PTCD3: variants seen among roughly 807,000 people sequenced by gnomAD.
PTCD3 encodes pentatricopeptide repeat domain 3.
In PTCD3, 89 loss-of-function variants were observed where a neutral mutation model predicts 101.9. The ratio of observed to expected loss-of-function variants is 0.87; its 90% CI spans 0.74 to 1.04. The LOEUF is 1.04. Among genes scored for constraint, PTCD3 ranks in the 50% least tolerant of loss-of-function variants. The pLI, the probability that PTCD3 is intolerant of heterozygous loss-of-function variation, is 0.00. For synonymous variants in PTCD3, 296 were observed against 278.5 expected (o/e 1.06, Z -0.63); for missense variants, 870 against 828.2 (o/e 1.05, Z -0.62).
At chr2:86,114,255 G>A (rs1238091174) in intron 4 of PTCD3, among the ~76,000 whole-genome samples, 2 of 152,060 alleles carry the variant, frequency 1.3e-5, no homozygotes, top group Non-Finnish European at 2.9e-5. Context: ...GGGTTGTATC[G>A]CCAAGACTGA....
intron 6 of PTCD3, among the ~76,000 whole-genome samples, chr2:86,118,704 T>C (rs1452156908): frequency 6.6e-6 from 1 of 152,234 alleles, no homozygotes; most frequent in Non-Finnish European, 1.5e-5. Flanking sequence ...TAGTATTAAA[T>C]GTTTAGATGA....
chr2:86,111,016 CTA>C (rs1674070147), intron 3 of PTCD3, 95 bp from the exon 4 acceptor site: 1 of 1,099,904 alleles, frequency 9.1e-7, no homozygotes, highest in Non-Finnish European at 1.4e-6. Flanking sequence ...GAGATCTGCA[CTA>C]TGTTATTGGC....
At chr2:86,123,068 G>C (rs1400438102) in intron 8 of PTCD3, among the ~76,000 whole-genome samples, 1 of 151,878 alleles carries the variant, frequency 6.6e-6, no homozygotes, top group Non-Finnish European at 1.5e-5. Context: ...GACCATCCTG[G>C]CTAACATGGT....
At position 86,132,322 on chromosome 2, in the gene PTCD3, C is replaced by T. The variant is rs778115545; in HGVS notation, c.1271C>T (p.Ser424Leu). ...KFFQSAMSIC[S>L]SLRDLELAYQ... ...TTACTACTTGCATATTTTCAGTGCT[C>T]ATCTCTCAGAGATCTAGAACTTGCC... Residue 424 changes from serine to leucine, a missense_variant, in exon 17 of 24, where the codon TCA becomes TTA. Transcript: ENST00000254630. 3.8e-6 allele frequency: 6 copies of T among 1,584,962 alleles called. No individual in the cohort carries two copies. The South Asian group carries it at 4.5e-5, about 12-fold the overall frequency.
At chr2:86,124,176 G>T (rs1233353364) in intron 9 of PTCD3, among the ~76,000 whole-genome samples, 5 of 152,208 alleles carry the variant, frequency 3.3e-5, no homozygotes, top group Admixed American at 2.0e-4. Context: ...GACATACACA[G>T]CAGTTTGAAT....
chr2:86,122,841 C>T (rs1674315960), intron 8 of PTCD3, among the ~76,000 whole-genome samples: 1 of 152,216 alleles, frequency 6.6e-6, no homozygotes, highest in Admixed American at 6.5e-5. Context: ...GCCTCTCCAG[C>T]CCCAGCTCTT....
At position 86,127,141 on chromosome 2, in the gene PTCD3, CTTGT is replaced by C; in HGVS notation, c.952-17_952-14del. 1 of 1,593,470 alleles carries C rather than the reference CTTGT, an allele frequency of 6.3e-7. No homozygotes were observed. The highest frequency in any genetic ancestry group is 1.1e-5 in the South Asian group (1 of 88,264). On this transcript the variant is annotated splice_polypyrimidine_tract_variant and intron_variant, in intron 12 of 23. Transcript: ENST00000254630. ...GATTACCCAGGCATGAAAGATACTT[CTTGT>C]TTTTTATTCACCTAGGAGCTGCTAA... is the stretch of plus-strand genomic sequence containing the variant.
At chr2:86,111,312 G>C (rs1674080248) in intron 4 of PTCD3, among the ~76,000 whole-genome samples, 154 bp downstream of exon 4, 1 of 152,148 alleles carries the variant, frequency 6.6e-6, no homozygotes, top group South Asian at 2.1e-4. Context: ...GTCTAGGCCG[G>C]GCGCGGTGGC....
chr2:86,110,835 G>A (rs905677952), intron 3 of PTCD3: 1 of 647,574 alleles, frequency 1.5e-6, no homozygotes, highest in African/African-American at 1.8e-5. Flanking sequence ...AAGTAGGCCA[G>A]ATAGTTTTAT....
chr2:86,130,205 C>T (rs1459049593), intron 14 of PTCD3, among the ~76,000 whole-genome samples: 1 of 152,028 alleles, frequency 6.6e-6, no homozygotes, highest in African/African-American at 2.4e-5. Flanking sequence ...AAGGCTGAGG[C>T]AGGAGAATCG....
chr2:86,136,385 G>T, intron 21 of PTCD3, 136 bp from the exon 22 acceptor site: 1 of 829,544 alleles, frequency 1.2e-6, no homozygotes, highest in South Asian at 1.6e-5. Flanking sequence ...AGAGCCCACA[G>T]ATGTGTGTCT....
At chr2:86,137,221 A>G (rs1158390530) in intron 23 of PTCD3, 81 bp downstream of exon 23, 18 of 1,447,762 alleles carry the variant, frequency 1.2e-5, no homozygotes, top group South Asian at 1.4e-5. Context: ...ATAGCTTTCT[A>G]TCCCTTCTAT....
rs1432918992 is a variant in PTCD3 at position 86,138,533 on chromosome 2, GGATACT to G, written c.*975_*980del. ...TACCTTGCCAGAGTTGACAATTATG[GGATACT>G]CTAGTCTACTTATACTTGTGTTCCC... On this transcript the variant is annotated 3_prime_UTR_variant, in exon 24 of 24. Coordinates refer to ENST00000254630, the MANE Select transcript of PTCD3 (RefSeq NM_017952.6). The G allele has an allele frequency of 6.6e-6, 1 of 152,092 alleles. No homozygotes were observed. The highest frequency in any genetic ancestry group is 2.4e-5 in the African/African-American group (1 of 41,404). The allele number at this position is 152,092 out of a possible 1,614,324, so 9.4% of individuals were successfully genotyped here.
intron 14 of PTCD3, among the ~76,000 whole-genome samples, chr2:86,129,305 G>A (rs1292222789): frequency 6.6e-6 from 1 of 152,214 alleles, no homozygotes; most frequent in Non-Finnish European, 1.5e-5. Flanking sequence ...AGCCAGGACT[G>A]GGGGATGGGG....
intron 4 of PTCD3, among the ~76,000 whole-genome samples, chr2:86,114,428 C>T (rs749325732): frequency 6.6e-6 from 1 of 152,236 alleles, no homozygotes; most frequent in Non-Finnish European, 1.5e-5. Context: ...GCTGGGACTA[C>T]AGGCGCCCCC....
Position 86,132,227 on chromosome 2 carries a change from A to T in PTCD3, c.1267-91A>T, listed in dbSNP as rs1573858105. The T allele has an allele frequency of 1.1e-5, 8 of 709,870 alleles. No homozygotes were observed. In the East Asian group the frequency reaches 2.2e-4, roughly 20 times the overall value. The allele number at this position is 709,870 out of a possible 1,614,324, so 44.0% of individuals were successfully genotyped here. A position where few individuals can be genotyped will look rare whatever the true frequency, so the allele number is the denominator to read the frequency against. ...ACCAATAATATGTTGAATCAACATTATTTTCACAAGACACTCTACTGTTGT... is the reference window on the plus strand; with the variant it reads ...ACCAATAATATGTTGAATCAACATTTTTTTCACAAGACACTCTACTGTTGT... On this transcript the variant is annotated intron_variant, in intron 16 of 23. Coordinates refer to ENST00000254630, the MANE Select transcript of PTCD3 (RefSeq NM_017952.6).
chr2:86,120,705 G>A (rs769869654), intron 7 of PTCD3, among the ~76,000 whole-genome samples: 1 of 152,094 alleles, frequency 6.6e-6, no homozygotes, highest in African/African-American at 2.4e-5. Flanking sequence ...GACCAGCCTG[G>A]GCAACATAGC....
chr2:86,117,870 G>C (rs569109208), intron 6 of PTCD3, among the ~76,000 whole-genome samples: 1 of 152,158 alleles, frequency 6.6e-6, no homozygotes, highest in South Asian at 2.1e-4. Context: ...TCTGCCGCCC[G>C]GGTTCAAGCA....
intron 4 of PTCD3, among the ~76,000 whole-genome samples, chr2:86,114,759 C>T (rs879725068): frequency 1.3e-5 from 2 of 152,158 alleles, no homozygotes; most frequent in Admixed American, 1.3e-4. Context: ...TGTGAGGTCT[C>T]CGTGACCACT....
Sources: allele counts gnomAD v4.1 joint callset (sites outside exome capture counted in the v4.1 genomes callset), GRCh38; gene constraint gnomAD v4.1.1; transcripts MANE v1.5; gene names NCBI Gene and HGNC (gene_info 2026-07-23, HGNC 2026-07-21).